Variants in KATNIP observed in about 807,000 individuals in gnomAD.
The protein encoded by KATNIP is katanin interacting protein.
A neutral mutation model predicts 174.0 loss-of-function variants in KATNIP; 126 were observed. The observed-to-expected ratio is 0.72, with a 90% CI of 0.63 to 0.84. KATNIP has a LOEUF of 0.84. Among genes scored for constraint, KATNIP ranks in the 40% least tolerant of loss-of-function variants. The probability of loss-of-function intolerance (pLI) is 0.00; values close to 1 mark genes in which losing one functional copy is unlikely to be tolerated. For missense variants in KATNIP, 1,958 were observed against 2,109.7 expected (o/e 0.93, Z 1.41); for synonymous variants, 810 against 835.7 (o/e 0.97, Z 0.53).
At chr16:27,727,871 A>G (rs1391333103) in intron 14 of KATNIP, 2 of 152,240 alleles carry the variant, frequency 1.3e-5, no homozygotes, top group Non-Finnish European at 2.9e-5. Flanking sequence ...ATACATCTCT[A>G]ACAAAAAAAG....
At chr16:27,713,818 A>ATGTGTGTGTGTGTGTG (rs1567336904) in intron 13 of KATNIP, among the ~76,000 whole-genome samples, 3 of 34,578 alleles carry the variant, frequency 8.7e-5, no homozygotes, top group South Asian at 8.2e-4. Flanking sequence ...ACATATATAT[A>ATGTGTGTGTGTGTGTG]TATATATATA....
intron 18 of KATNIP, 40 bp downstream of exon 18, chr16:27,754,291 A>T (rs1183693705): frequency 6.5e-7 from 1 of 1,531,256 alleles, no homozygotes. Flanking sequence ...TGGAAGGAGG[A>T]CCTTCCAGGG....
chr16:27,686,844 A>G (rs928624072), intron 8 of KATNIP, among the ~76,000 whole-genome samples: 1 of 152,156 alleles, frequency 6.6e-6, no homozygotes, highest in Non-Finnish European at 1.5e-5. Context: ...CTTCTCATTT[A>G]TTGGAAGTAT....
At chr16:27,640,289 A>G (rs1008602002) in intron 5 of KATNIP, among the ~76,000 whole-genome samples, 2 of 152,194 alleles carry the variant, frequency 1.3e-5, no homozygotes, top group East Asian at 3.8e-4. Context: ...TGAAACACCC[A>G]CTCAGGTACA....
intron 2 of KATNIP, among the ~76,000 whole-genome samples, chr16:27,593,051 C>T (rs1761133038): frequency 6.6e-6 from 1 of 152,050 alleles, no homozygotes; most frequent in Admixed American, 6.6e-5. Context: ...TGGGAGGTCC[C>T]CTCTCTGTAG....
At chr16:27,719,986 T>C (rs558799564) in intron 13 of KATNIP, among the ~76,000 whole-genome samples, 1 of 152,300 alleles carries the variant, frequency 6.6e-6, no homozygotes, top group African/African-American at 2.4e-5. Flanking sequence ...CTCCCCATTT[T>C]TAAATGTTGG....
chr16:27,725,702 C>CAA (rs1166580957), intron 14 of KATNIP, among the ~76,000 whole-genome samples: 2 of 152,280 alleles, frequency 1.3e-5, no homozygotes, highest in African/African-American at 4.8e-5. Context: ...CTTCCAGCAG[C>CAA]TCCCCATGGT....
intron 2 of KATNIP, among the ~76,000 whole-genome samples, chr16:27,601,702 A>G (rs1028446947): frequency 6.6e-6 from 1 of 152,068 alleles, no homozygotes; most frequent in African/African-American, 2.4e-5. Context: ...GCGAGGCCAG[A>G]TTACACTTGT....
intron 2 of KATNIP, among the ~76,000 whole-genome samples, chr16:27,595,284 A>C (rs945666979): frequency 8.5e-5 from 13 of 152,144 alleles, no homozygotes; most frequent in Non-Finnish European, 8.8e-5. Context: ...CTACTCAGGA[A>C]GCTAAGGTGG....
chr16:27,677,577 G>A (rs971137276), intron 6 of KATNIP, 152 bp from the exon 7 acceptor site: 21 of 771,788 alleles, frequency 2.7e-5, no homozygotes, highest in South Asian at 9.8e-5. Flanking sequence ...TTGTTTTCTC[G>A]TCTTCAAAGC....
intron 1 of KATNIP, 42 bp from the exon 2 acceptor site, chr16:27,573,859 T>C: frequency 6.2e-7 from 1 of 1,604,010 alleles, no homozygotes; most frequent in Non-Finnish European, 8.5e-7. Context: ...CTAGCTGTTC[T>C]AAAACAGCCT....
chr16:27,761,400 C>T lies in KATNIP; in HGVS notation c.3632-13C>T. ...CCTCTGGTGCTAATGGGCCACTTCT[C>T]TTCCTGTTGCAGGCCTTCAGCTGAA... On this transcript the variant is annotated splice_polypyrimidine_tract_variant and intron_variant, in intron 18 of 27. Coordinates refer to ENST00000261588, the MANE Select transcript of KATNIP (RefSeq NM_015202.5). The T allele has an allele frequency of 6.2e-7, 1 of 1,600,932 alleles. No individual in the cohort carries two copies. The highest frequency in any genetic ancestry group is 1.1e-5 in the South Asian group (1 of 90,350).
chr16:27,607,348 T>G (rs1392980137), intron 2 of KATNIP, among the ~76,000 whole-genome samples: 1 of 152,078 alleles, frequency 6.6e-6, no homozygotes, highest in Non-Finnish European at 1.5e-5. Flanking sequence ...CTCCATTTCC[T>G]CCTCTGTAAA....
At chr16:27,762,530 G>A (rs2081988525) in intron 19 of KATNIP, among the ~76,000 whole-genome samples, 2 of 152,152 alleles carry the variant, frequency 1.3e-5, no homozygotes, top group Admixed American at 6.5e-5. Context: ...ACGCAGGCCT[G>A]TGGCATACCT....
chr16:27,609,850 C>T (rs1287174059), intron 2 of KATNIP, among the ~76,000 whole-genome samples: 1 of 152,080 alleles, frequency 6.6e-6, no homozygotes, highest in Non-Finnish European at 1.5e-5. Flanking sequence ...CGCCACCATG[C>T]CCAGCTAATT....
At chr16:27,596,666 A>G (rs1237840779) in intron 2 of KATNIP, among the ~76,000 whole-genome samples, 1 of 152,178 alleles carries the variant, frequency 6.6e-6, no homozygotes, top group East Asian at 1.9e-4. Flanking sequence ...TTCGTGCATT[A>G]CTTGCCCGAG....
intron 7 of KATNIP, chr16:27,681,136 C>A: frequency 2.7e-6 from 1 of 373,044 alleles, no homozygotes; most frequent in Non-Finnish European, 5.1e-6. Context: ...GGCTGCCTAG[C>A]CAGGAAACAT....
intron 11 of KATNIP, 113 bp from the exon 12 acceptor site, chr16:27,703,783 A>G (rs2079192125): frequency 8.6e-6 from 7 of 815,056 alleles, no homozygotes; most frequent in Non-Finnish European, 1.3e-5. Context: ...TACAGAGTGC[A>G]TACTTCCCCT....
At position 27,652,388 on chromosome 16, in the gene KATNIP, C is replaced by T. The variant is rs77664834; in HGVS notation, c.540+3653C>T. 7.1e-3 allele frequency among the ~76,000 whole-genome samples: 1,086 copies of T among 152,296 alleles called. 21 individuals carry two copies. The highest frequency in any genetic ancestry group is 0.025 in the African/African-American group (1,024 of 41,548). ...CTCCTTAAGTTTGAGGGGAAACCAT[C>T]ATACCTGTTTTACATCTCTGGTGAA... On this transcript the variant is annotated intron_variant, in intron 6 of 27. Coordinates refer to ENST00000261588, the MANE Select transcript of KATNIP (RefSeq NM_015202.5).
Sources: gnomAD v4.1 joint callset for allele counts (sites outside exome capture counted in the v4.1 genomes callset) on GRCh38, gnomAD v4.1.1 for gene constraint, MANE v1.5 for transcripts, NCBI Gene and HGNC (gene_info 2026-07-23, HGNC 2026-07-21) for gene names.